The following PPARGC1A variants were observed in gnomAD, a reference collection of about 807,000 sequenced individuals.
PPARGC1A encodes peroxisome proliferator-activated receptor gamma coactivator 1-alpha.
A neutral mutation model predicts 88.7 loss-of-function variants in PPARGC1A; 25 were observed. That is an observed-to-expected ratio of 0.28 (90% CI 0.21 to 0.39). PPARGC1A has a LOEUF of 0.39. PPARGC1A is among the 10% of genes least tolerant of loss of function. The pLI, the probability that PPARGC1A is intolerant of heterozygous loss-of-function variation, is 1.00. For synonymous variants in PPARGC1A, 363 were observed against 355.6 expected, an observed-to-expected ratio of 1.02 and a Z score of -0.24; for missense variants, 880 against 968.7, an observed-to-expected ratio of 0.91 and a Z score of 1.22.
At chr4:24,144,075 C>T in the PPARGC1A span, among the ~76,000 whole-genome samples, 1 of 152,180 alleles carries the variant, frequency 6.6e-6, no homozygotes, top group African/African-American at 2.4e-5. Flanking sequence ...AAAGGGATGA[C>T]GAAGGAAGAA....
At position 23,814,511 on chromosome 4, in the gene PPARGC1A, C is replaced by T. The variant is rs750265215; in HGVS notation, c.972G>A (p.Val324=). 40 of 1,612,606 alleles carry T rather than the reference C, an allele frequency of 2.5e-5. No individual in the cohort carries two copies. Among genetic ancestry groups the T allele is most frequent in the Non-Finnish European group, 2.7e-5 (32 of 1,179,802 alleles). The part of the protein sequence containing the change: ...PKLKSSCKTV[V]PPPSKKPRYS... ...ACCTGGGCTTCTTTGATGGTGGTGG[C>T]ACCACAGTCTTGCAAGAGGACTTCA... is the stretch of plus-strand genomic sequence containing the variant. Residue 324 remains valine, a synonymous_variant, in exon 8 of 13, where the codon GTG becomes GTA. Transcript: ENST00000264867.
the PPARGC1A span, among the ~76,000 whole-genome samples, chr4:24,281,875 C>T: frequency 3.9e-5 from 6 of 152,046 alleles, no homozygotes; most frequent in African/African-American, 1.4e-4. Flanking sequence ...CATAGAGAAA[C>T]TTATCAAATT....
the PPARGC1A span, among the ~76,000 whole-genome samples, chr4:24,008,581 C>T: frequency 1.3e-5 from 2 of 152,086 alleles, no homozygotes; most frequent in East Asian, 1.9e-4. Flanking sequence ...CAAAGCTAAA[C>T]GCCAATACCT....
chr4:24,117,371 G>A, the PPARGC1A span, among the ~76,000 whole-genome samples: 1 of 152,094 alleles, frequency 6.6e-6, no homozygotes, highest in Non-Finnish European at 1.5e-5. Context: ...GGACAAGGCC[G>A]AGAACAAACT....
chr4:23,910,343 A>ATATATTATATATATTATATATATTATAT, the PPARGC1A span, among the ~76,000 whole-genome samples: 114 of 58,832 alleles, frequency 1.9e-3, no homozygotes, highest in Non-Finnish European at 2.6e-3. Flanking sequence ...TATATATATT[A>ATATATTATATATATTATATATATTATAT]TATATTATAT....
At chr4:23,864,444 C>A (rs1457312809) in intron 2 of PPARGC1A, among the ~76,000 whole-genome samples, 2 of 152,162 alleles carry the variant, frequency 1.3e-5, no homozygotes. Context: ...TTTGGTTTAA[C>A]AATCAAGTAT....
At chr4:23,814,731 T>G in intron 7 of PPARGC1A, 126 bp from the exon 8 acceptor site, 1 of 905,108 alleles carries the variant, frequency 1.1e-6, no homozygotes. Flanking sequence ...TCAAACTGAG[T>G]GAAGAAGAAG....
chr4:24,139,293 C>T, the PPARGC1A span, among the ~76,000 whole-genome samples: 282 of 152,090 alleles, frequency 1.9e-3, 2 homozygotes, highest in African/African-American at 6.6e-3. Flanking sequence ...GCCACACGCC[C>T]GGCTAATTTT....
the PPARGC1A span, among the ~76,000 whole-genome samples, chr4:24,271,332 G>C: frequency 6.6e-6 from 1 of 151,902 alleles, no homozygotes; most frequent in Non-Finnish European, 1.5e-5. Flanking sequence ...TGCAGAATCA[G>C]CATATCATGA....
chr4:24,206,624 G>A, the PPARGC1A span, among the ~76,000 whole-genome samples: 1 of 152,038 alleles, frequency 6.6e-6, no homozygotes, highest in East Asian at 1.9e-4. Context: ...TTGAGGCCAG[G>A]AGTTCGAGAC....
intron 2 of PPARGC1A, among the ~76,000 whole-genome samples, chr4:23,859,778 C>A (rs1730884141): frequency 7.6e-6 from 1 of 131,998 alleles, no homozygotes; most frequent in African/African-American, 2.8e-5. Flanking sequence ...AAGACACCGT[C>A]TCAAAATAAA....
the PPARGC1A span, among the ~76,000 whole-genome samples, chr4:24,132,532 G>A: frequency 6.6e-6 from 1 of 152,144 alleles, no homozygotes; most frequent in Non-Finnish European, 1.5e-5. Flanking sequence ...GTACCTCAAT[G>A]ACTTTCTTCT....
Position 23,824,499 on chromosome 4 carries a change from G to T in PPARGC1A, c.767C>A (p.Thr256Lys), listed in dbSNP as rs761939578. 4 of 1,603,220 alleles carry T rather than the reference G, an allele frequency of 2.5e-6. No homozygotes were observed. The highest frequency in any genetic ancestry group is 2.6e-6 in the Non-Finnish European group (3 of 1,172,934). ...TGGGGTCAGAGGAAGAGATAAAGTT[G>T]TTGGTTTGGCTAAAGAAAAAAAAAA... Reference protein sequence around the residue: ...SQSQHLQAKPTTLSLPLTPES... With the variant: ...SQSQHLQAKPKTLSLPLTPES... Residue 256 changes from threonine (T) to lysine (K), a missense_variant, in exon 6 of 13, where the codon ACA becomes AAA. Transcript: ENST00000264867.
chr4:23,956,189 G>C, the PPARGC1A span, among the ~76,000 whole-genome samples: 1 of 152,066 alleles, frequency 6.6e-6, no homozygotes, highest in Non-Finnish European at 1.5e-5. Flanking sequence ...TTTGGTGTGA[G>C]GGCTGGAGTT....
chr4:23,829,154 A>G (rs1026844941), intron 4 of PPARGC1A, among the ~76,000 whole-genome samples: 1 of 152,206 alleles, frequency 6.6e-6, no homozygotes, highest in Non-Finnish European at 1.5e-5. Context: ...AAAGCCACTC[A>G]TAGATAATAC....
At chr4:24,380,949 T>G in the PPARGC1A span, among the ~76,000 whole-genome samples, 22 of 151,074 alleles carry the variant, frequency 1.5e-4, no homozygotes, top group Non-Finnish European at 2.4e-4. Flanking sequence ...AAGAAGAGAT[T>G]TGAAAACACT....
the PPARGC1A span, among the ~76,000 whole-genome samples, chr4:23,998,443 T>TA: frequency 6.6e-6 from 1 of 152,182 alleles, no homozygotes; most frequent in Non-Finnish European, 1.5e-5. Flanking sequence ...TTTTTTTTTT[T>TA]AGCCATCATG....
chr4:24,444,775 A>G, the PPARGC1A span, among the ~76,000 whole-genome samples: 2 of 152,134 alleles, frequency 1.3e-5, no homozygotes, highest in African/African-American at 2.4e-5. Context: ...ACAAAGAGAC[A>G]AAAGCCAGGT....
At chr4:23,801,426 C>T (rs1237196299) in intron 12 of PPARGC1A, among the ~76,000 whole-genome samples, 1 of 152,054 alleles carries the variant, frequency 6.6e-6, no homozygotes, top group African/African-American at 2.4e-5. Flanking sequence ...GCTGCATGCA[C>T]ACACAACACA....
Sources: gnomAD v4.1 joint callset for allele counts (sites outside exome capture counted in the v4.1 genomes callset) on GRCh38, gnomAD v4.1.1 for gene constraint, MANE v1.5 for transcripts, NCBI Gene and HGNC (gene_info 2026-07-23, HGNC 2026-07-21) for gene names.